Variants in MDM1 observed in about 807,000 individuals in gnomAD.
MDM1 encodes stabilizer of axonemal microtubules 6.
Under a neutral mutation model 89.1 loss-of-function variants are expected in MDM1, and 61 were observed. The ratio of observed to expected loss-of-function variants is 0.68; its 90% CI spans 0.56 to 0.85. MDM1 has a LOEUF of 0.85. Among genes scored for constraint, MDM1 ranks in the 40% least tolerant of loss-of-function variants. The probability of loss-of-function intolerance (pLI) is 0.00; values close to 1 mark genes in which losing one functional copy is unlikely to be tolerated. For missense variants in MDM1, 820 were observed against 846.5 expected, an observed-to-expected ratio of 0.97 and a Z score of 0.39; for synonymous variants, 290 against 294.1, an observed-to-expected ratio of 0.99 and a Z score of 0.14.
rs147513764 is a variant in MDM1 at position 68,311,269 on chromosome 12, C to T, written c.1749+2174G>A. 3.3e-5 allele frequency among the ~76,000 whole-genome samples: 5 copies of T among 152,284 alleles called. No homozygotes were observed. In the East Asian group the frequency reaches 7.7e-4, roughly 23 times the overall value. The stretch of plus-strand genomic sequence containing the variant: ...CCCTTCCTGACTGGTCTTCTGCCAA[C>T]TTTGTGACCACCAACTTAAAATGGC... On this transcript the variant is annotated intron_variant, in intron 12 of 14. Coordinates refer to ENST00000682720, the MANE Select transcript of MDM1 (RefSeq NM_001354969.2).
chr12:68,297,795 C>T (rs138619651), intron 13 of MDM1, among the ~76,000 whole-genome samples: 6 of 152,232 alleles, frequency 3.9e-5, no homozygotes, highest in African/African-American at 1.2e-4. Context: ...AGAGATAAAA[C>T]ATTCCATTCA....
chr12:68,309,142 G>C (rs371919824), intron 12 of MDM1, among the ~76,000 whole-genome samples: 2 of 152,222 alleles, frequency 1.3e-5, no homozygotes, highest in South Asian at 2.1e-4. Context: ...TTGAGATAAC[G>C]AAAGAAATCC....
Position 68,302,632 on chromosome 12 carries a change from A to G in MDM1, c.1990T>C (p.Phe664Leu), listed in dbSNP as rs1418177864. The G allele has an allele frequency of 1.9e-6, 3 of 1,611,776 alleles. No individual in the cohort carries two copies. In the African/African-American group the frequency reaches 4.0e-5, roughly 22 times the overall value. ...CCAAAATAATTACCATTGTGCTGAA[A>G]CTCTGGATCTCTAAGAGAGCCCTGA... Reference protein sequence around the residue: ...RIQGSLRDPEFQHNVGKARMN... With the variant: ...RIQGSLRDPELQHNVGKARMN... The change falls in exon 13 of 15, where the codon TTT becomes CTT. Residue 664 changes from phenylalanine (F) to leucine (L), a missense_variant. Coordinates refer to ENST00000682720, the MANE Select transcript of MDM1 (RefSeq NM_001354969.2).
chr12:68,323,771 T>C (rs1269052934), intron 4 of MDM1, among the ~76,000 whole-genome samples: 1 of 152,222 alleles, frequency 6.6e-6, no homozygotes, highest in East Asian at 1.9e-4. Flanking sequence ...TCACGGCATA[T>C]TACCACTGAT....
intron 13 of MDM1, among the ~76,000 whole-genome samples, chr12:68,297,665 TG>T (rs1871592954): frequency 6.6e-6 from 1 of 152,180 alleles, no homozygotes; most frequent in Non-Finnish European, 1.5e-5. Context: ...CAAAGAGGCA[TG>T]GAAGTTTCGT....
Position 68,321,434 on chromosome 12 carries a change from G to T in MDM1, c.918C>A (p.Ser306=), listed in dbSNP as rs376380653. 1.7e-5 allele frequency: 27 copies of T among 1,613,214 alleles called. No homozygotes were observed. The highest frequency in any genetic ancestry group is 2.0e-5 in the Non-Finnish European group (24 of 1,179,702). Residue 306 remains serine (S), a synonymous_variant, in exon 7 of 15, where the codon TCC becomes TCA. Transcript: ENST00000682720. ...GGCTCAGAAATTTTGCTCTATATTCGGAATTCACCTTCCTAATAGAAATGA... is the reference window on the plus strand; with the variant it reads ...GGCTCAGAAATTTTGCTCTATATTCTGAATTCACCTTCCTAATAGAAATGA... ...WKHQRLGKVN[S]EYRAKFLSPA...
chr12:68,326,611 T>G (rs201190543), intron 3 of MDM1, 46 bp downstream of exon 3: 1 of 1,614,046 alleles, frequency 6.2e-7, no homozygotes, highest in Admixed American at 1.7e-5. Flanking sequence ...ATGAAACCAA[T>G]GAAGAATTCT....
chr12:68,314,086 G>A (rs576963517), intron 10 of MDM1, among the ~76,000 whole-genome samples: 1 of 141,198 alleles, frequency 7.1e-6, no homozygotes, highest in South Asian at 2.2e-4. Context: ...GCAGTGAGCC[G>A]ATATCGTGCC....
rs1261085513 is a variant in MDM1, at chr12:68,327,197, T to C, written c.134-176A>G. 29 of 1,396,106 alleles carry C rather than the reference T, an allele frequency of 2.1e-5. No homozygotes were observed. The East Asian group carries it at 7.3e-4, about 35-fold the overall frequency. The allele number at this position is 1,396,106 out of a possible 1,614,324, so 86.5% of individuals were successfully genotyped here. On this transcript the variant is annotated intron_variant, in intron 2 of 14. Transcript: ENST00000682720. ...ATTTTAAAAGTACAGCTTTTCAACA[T>C]AAAATATTTAATTTTGCTTTTAAAA...
chr12:68,330,254 T>G (rs1849566484), intron 2 of MDM1, among the ~76,000 whole-genome samples: 1 of 152,188 alleles, frequency 6.6e-6, no homozygotes, highest in Non-Finnish European at 1.5e-5. Flanking sequence ...TCCCTAGTGT[T>G]CCCAGACCAA....
chr12:68,326,402 A>G, intron 3 of MDM1: 1 of 1,446,180 alleles, frequency 6.9e-7, no homozygotes, highest in Non-Finnish European at 9.1e-7. Flanking sequence ...TATATGATGA[A>G]TAAAATCCAG....
At chr12:68,319,638 T>C (rs147034595) in intron 7 of MDM1, among the ~76,000 whole-genome samples, 27 of 152,344 alleles carry the variant, frequency 1.8e-4, no homozygotes, top group African/African-American at 5.5e-4. Flanking sequence ...ACTGTTATCA[T>C]CAATGATCAC....
chr12:68,327,444 C>G, intron 2 of MDM1: 1 of 1,535,872 alleles, frequency 6.5e-7, no homozygotes, highest in Admixed American at 2.0e-5. Flanking sequence ...TTATGTGGAG[C>G]AGACCAAGAT....
At position 68,315,308 on chromosome 12, in the gene MDM1, C is replaced by T. The variant is rs201926680; in HGVS notation, c.1212-43G>A. On this transcript the variant is annotated intron_variant, in intron 9 of 14. Transcript: ENST00000682720. ...TTTTATTTTAAATGTGAATAGTTTG[C>T]ACTTTTCTAATCAACACCAATTTTA... 131 of 1,560,738 alleles carry T rather than the reference C, an allele frequency of 8.4e-5. No individual in the cohort carries two copies. In the African/African-American group the frequency reaches 1.1e-3, roughly 13 times the overall value.
In MDM1 at chr12:68,326,649, A is replaced by G; in HGVS notation, c.498+8T>C. 6.2e-7 allele frequency: 1 copy of G among 1,614,180 alleles called. No homozygotes were observed. Among genetic ancestry groups the G allele is most frequent in the Non-Finnish European group, 8.5e-7 (1 of 1,179,986 alleles). On this transcript the variant is annotated splice_region_variant and intron_variant, in intron 3 of 14. Transcript: ENST00000682720. ...GCTTTTGAAAAGAAATGCAGTGAAT[A>G]TGCCTACCCCATTATCTACATTTTC...
chr12:68,316,445 GTTATT>G, intron 8 of MDM1, 131 bp downstream of exon 8: 1 of 944,058 alleles, frequency 1.1e-6, no homozygotes, highest in Non-Finnish European at 1.6e-6. Flanking sequence ...GCATGATGCA[GTTATT>G]TTATTTCAGA....
At chr12:68,324,375 A>G (rs1875660928) in intron 4 of MDM1, among the ~76,000 whole-genome samples, 1 of 152,142 alleles carries the variant, frequency 6.6e-6, no homozygotes, top group South Asian at 2.1e-4. Context: ...TAGGCAAGCA[A>G]AAGAAGTACT....
intron 12 of MDM1, among the ~76,000 whole-genome samples, chr12:68,310,823 C>T (rs767159567): frequency 1.5e-4 from 23 of 152,304 alleles, no homozygotes; most frequent in Middle Eastern, 6.8e-3. Flanking sequence ...GCAAAATTCC[C>T]TATAGATTTT....
intron 4 of MDM1, among the ~76,000 whole-genome samples, chr12:68,324,644 T>C (rs1182043564): frequency 6.6e-6 from 1 of 151,940 alleles, no homozygotes; most frequent in Non-Finnish European, 1.5e-5. Flanking sequence ...CAGGAGAAAA[T>C]GAATGTGAGG....
Sources: gnomAD v4.1 joint callset for allele counts (sites outside exome capture counted in the v4.1 genomes callset) on GRCh38, gnomAD v4.1.1 for gene constraint, MANE v1.5 for transcripts, NCBI Gene and HGNC (gene_info 2026-07-23, HGNC 2026-07-21) for gene names.